Variants in LRIG2 observed in about 807,000 individuals in gnomAD.
LRIG2 encodes the protein leucine-rich repeats and immunoglobulin-like domains protein 2.
Under a neutral mutation model 107.8 loss-of-function variants are expected in LRIG2, and 93 were observed. That is an observed-to-expected ratio of 0.86 (90% CI 0.73 to 1.03). The LOEUF is 1.03. LRIG2 is among the 50% of genes least tolerant of loss of function. The probability of loss-of-function intolerance (pLI) is 0.00; values close to 1 mark genes in which losing one functional copy is unlikely to be tolerated. For synonymous variants in LRIG2, 471 were observed against 470.6 expected (o/e 1.00, Z -0.01); for missense variants, 1,226 against 1,296.0 (o/e 0.95, Z 0.83).
rs745460093 is a variant in LRIG2 at position 113,093,518 on chromosome 1, T to C, written c.469T>C (p.Ser157Pro). Reference protein sequence around the residue: ...ESLDLSSNIISEIKTSSFPRM... With the variant: ...ESLDLSSNIIPEIKTSSFPRM... Reference sequence around the variant, plus strand: ...TTTAGACCTCAGCTCAAATATAATATCAGAAATCAAGACATCTTCATTTCC... The same window carrying C: ...TTTAGACCTCAGCTCAAATATAATACCAGAAATCAAGACATCTTCATTTCC... Residue 157 changes from serine to proline, a missense_variant, in exon 4 of 18, where the codon TCA becomes CCA. Around this residue, in one of 3 missense-constraint regions of LRIG2, gnomAD observed 570 missense variants for 550.2 expected, o/e 1.04. Coordinates refer to ENST00000361127, the MANE Select transcript of LRIG2 (RefSeq NM_014813.3). 6.2e-6 allele frequency: 10 copies of C among 1,611,500 alleles called. No homozygotes were observed. In the East Asian group the frequency reaches 6.7e-5, roughly 11 times the overall value.
intron 14 of LRIG2, among the ~76,000 whole-genome samples, chr1:113,113,370 T>G (rs1252514303): frequency 3.3e-5 from 5 of 151,672 alleles, no homozygotes; most frequent in Non-Finnish European, 2.9e-5. Context: ...TGTTTTGTTT[T>G]TTCTTCCTTA....
chr1:113,124,867 A>T lies in LRIG2; in HGVS notation c.*766A>T, dbSNP rs770878841. On this transcript the variant is annotated 3_prime_UTR_variant, in exon 18 of 18. Transcript: ENST00000361127. ...TAACTCAATTTAGTGAGATCTAAAA[A>T]TTTTATTTAAAGTATAAAAACTGTG... 6.6e-6 allele frequency: 1 copy of T among 152,184 alleles called. No homozygotes were observed. Among genetic ancestry groups the T allele is most frequent in the African/African-American group, 2.4e-5 (1 of 41,450 alleles). The allele number at this position is 152,184 out of a possible 1,614,324, so 9.4% of individuals were successfully genotyped here.
At chr1:113,100,685 G>A (rs1654268620) in intron 11 of LRIG2, 197 bp downstream of exon 11, 3 of 442,776 alleles carry the variant, frequency 6.8e-6, no homozygotes, top group African/African-American at 3.9e-5. Flanking sequence ...CAGAGTGTGT[G>A]GCACCAAGAC....
At position 113,096,117 on chromosome 1, in the gene LRIG2, C is replaced by A. The variant is rs1654054625; in HGVS notation, c.947+100C>A. On this transcript the variant is annotated intron_variant, in intron 7 of 17. Coordinates refer to ENST00000361127, the MANE Select transcript of LRIG2 (RefSeq NM_014813.3). ...TAATGAGATGTAACATCCCTCTTTA[C>A]TAGAAATTTGTAGAAAGCTCTAAAT... 5 of 1,582,306 alleles carry A rather than the reference C, an allele frequency of 3.2e-6. No individual in the cohort carries two copies. In the East Asian group the frequency reaches 1.1e-4, roughly 36 times the overall value.
Position 113,119,306 on chromosome 1 carries a change from C to T in LRIG2, c.2754C>T (p.Tyr918=). 1 of 1,614,116 alleles carries T rather than the reference C, an allele frequency of 6.2e-7. No individual in the cohort carries two copies. Among genetic ancestry groups the T allele is most frequent in the Non-Finnish European group, 8.5e-7 (1 of 1,180,016 alleles). ...NANIYSRTRE[Y]CPYTYIAEED... is the part of the protein sequence containing the mutation. ...ACATCTACTCCAGGACCCGAGAATACTGTCCATACACCTATATTGCTGAGG... is the reference window on the plus strand; with the variant it reads ...ACATCTACTCCAGGACCCGAGAATATTGTCCATACACCTATATTGCTGAGG... The change falls in exon 17 of 18, where the codon TAC becomes TAT. Residue 918 remains tyrosine (Y), a synonymous_variant. Coordinates refer to ENST00000361127, the MANE Select transcript of LRIG2 (RefSeq NM_014813.3).
Position 113,116,340 on chromosome 1 carries a change from C to CT in LRIG2, c.2585dup (p.Ser863ValfsTer2). The stretch of plus-strand genomic sequence containing the variant: ...CAGCTACTTGTCTTCCCAAGGAACG[C>CT]TGTCTGAGCCACAGGAAGGCTACAG... On this transcript the variant is annotated frameshift_variant, in exon 16 of 18. Transcript: ENST00000361127. LOFTEE classifies it high-confidence loss of function. 6.2e-7 allele frequency: 1 copy of CT among 1,614,068 alleles called. No individual in the cohort carries two copies. Among genetic ancestry groups the CT allele is most frequent in the Non-Finnish European group, 8.5e-7 (1 of 1,179,966 alleles).
Position 113,124,538 on chromosome 1 carries a change from C to G in LRIG2, c.*437C>G, listed in dbSNP as rs141929843. 5.9e-6 allele frequency: 1 copy of G among 168,998 alleles called. No homozygotes were observed. Among genetic ancestry groups the G allele is most frequent in the South Asian group, 1.5e-4 (1 of 6,558 alleles). The allele number at this position is 168,998 out of a possible 1,614,324, so 10.5% of individuals were successfully genotyped here. Reference sequence around the variant, plus strand: ...CTTTGGAGCCTTCTGGGAAGTGTGCCTGGGATTCTTCAGTGGTTTCAGGCA... The same window carrying G: ...CTTTGGAGCCTTCTGGGAAGTGTGCGTGGGATTCTTCAGTGGTTTCAGGCA... On this transcript the variant is annotated 3_prime_UTR_variant, in exon 18 of 18. Transcript: ENST00000361127.
intron 1 of LRIG2, among the ~76,000 whole-genome samples, chr1:113,077,976 A>G (rs1653065832): frequency 6.9e-6 from 1 of 144,968 alleles, no homozygotes; most frequent in South Asian, 2.2e-4. Context: ...ATGAGTGAGA[A>G]CATGTGGTGT....
chr1:113,121,603 C>T (rs139891263), intron 17 of LRIG2, among the ~76,000 whole-genome samples: 2,692 of 152,028 alleles, frequency 0.018, 31 homozygotes, highest in Middle Eastern at 0.037. Flanking sequence ...ATTAGCTGGG[C>T]GTGGTGGTGG....
intron 11 of LRIG2, among the ~76,000 whole-genome samples, chr1:113,107,334 T>A (rs1654582901): frequency 6.6e-6 from 1 of 152,192 alleles, no homozygotes; most frequent in Non-Finnish European, 1.5e-5. Context: ...GATCACACAT[T>A]TCATTTTATT....
chr1:113,118,400 G>A (rs1199953365), intron 16 of LRIG2, among the ~76,000 whole-genome samples: 1 of 152,220 alleles, frequency 6.6e-6, no homozygotes, highest in Non-Finnish European at 1.5e-5. Flanking sequence ...AGGGATGCTT[G>A]TAGCAATTGG....
intron 1 of LRIG2, among the ~76,000 whole-genome samples, chr1:113,083,707 C>T (rs1287959247): frequency 2.0e-5 from 3 of 151,568 alleles, no homozygotes; most frequent in African/African-American, 7.3e-5. Flanking sequence ...GCCCATCAGG[C>T]TTTGGGTTAT....
chr1:113,105,489 CCT>C (rs751008788), intron 11 of LRIG2, among the ~76,000 whole-genome samples: 31 of 152,114 alleles, frequency 2.0e-4, no homozygotes, highest in Admixed American at 3.3e-4. Flanking sequence ...TCATACACCT[CCT>C]GTTATTGATG....
At chr1:113,078,428 G>A (rs1354874305) in intron 1 of LRIG2, among the ~76,000 whole-genome samples, 2 of 151,816 alleles carry the variant, frequency 1.3e-5, no homozygotes, top group Non-Finnish European at 2.9e-5. Flanking sequence ...TAGTAGAGAC[G>A]GGGTTTCACC....
chr1:113,093,958 A>G (rs1033616299), intron 4 of LRIG2, among the ~76,000 whole-genome samples: 5 of 152,140 alleles, frequency 3.3e-5, no homozygotes, highest in African/African-American at 1.2e-4. Context: ...AGATCGCACT[A>G]TTGTCAGAAA....
chr1:113,097,763 C>T (rs879508648), intron 8 of LRIG2, among the ~76,000 whole-genome samples: 2 of 152,164 alleles, frequency 1.3e-5, no homozygotes, highest in Admixed American at 6.5e-5. Flanking sequence ...TAGCCTCATG[C>T]TCTTGCCAGG....
intron 1 of LRIG2, among the ~76,000 whole-genome samples, chr1:113,083,345 C>CTT (rs10641659): frequency 0.34 from 37,456 of 108,976 alleles, 7,761 homozygotes; most frequent in East Asian, 0.63. Context: ...TGGCTGCTCA[C>CTT]TTTTTTTTTT....
intron 1 of LRIG2, 64 bp from the exon 2 acceptor site, chr1:113,091,254 C>CTTT: frequency 9.3e-7 from 1 of 1,078,890 alleles, no homozygotes. Context: ...TATTTAGTTT[C>CTTT]TTTTTTTTTC....
intron 10 of LRIG2, 61 bp from the exon 11 acceptor site, chr1:113,100,359 G>A: frequency 6.9e-7 from 1 of 1,443,144 alleles, no homozygotes; most frequent in Admixed American, 1.7e-5. Context: ...ACCATGTAAA[G>A]TGTTTATGTA....
Sources: gnomAD v4.1 joint callset for allele counts (sites outside exome capture counted in the v4.1 genomes callset) on GRCh38, gnomAD v4.1.1 for gene constraint, gnomAD v4.1.1 regional missense constraint, MANE v1.5 for transcripts, NCBI Gene and HGNC (gene_info 2026-07-23, HGNC 2026-07-21) for gene names.